AIM2: variants seen among roughly 807,000 people sequenced by gnomAD.
The protein encoded by AIM2 is absent in melanoma 2.
Under a neutral mutation model 27.7 loss-of-function variants are expected in AIM2, and 30 were observed. The ratio of observed to expected loss-of-function variants is 1.08; its 90% CI spans 0.81 to 1.47. The LOEUF is 1.47. Among genes scored for constraint, AIM2 ranks in the 40% most tolerant of loss-of-function variants. AIM2 has a pLI of 0.00. For synonymous variants in AIM2, 141 were observed against 145.3 expected (o/e 0.97, Z 0.21); for missense variants, 358 against 411.3 (o/e 0.87, Z 1.12).
chr1:159,094,412 C>T (rs1170689417), intron 1 of AIM2, among the ~76,000 whole-genome samples: 1 of 152,152 alleles, frequency 6.6e-6, no homozygotes, highest in Admixed American at 6.5e-5. Flanking sequence ...TTTAAGAAAT[C>T]AAGGCCAGGT....
intron 1 of AIM2, among the ~76,000 whole-genome samples, chr1:159,140,258 C>T (rs1648085746): frequency 6.6e-6 from 1 of 152,202 alleles, no homozygotes; most frequent in African/African-American, 2.4e-5. Context: ...CAAGGTAACC[C>T]AGAAATGTAA....
At chr1:159,115,108 T>G (rs1272784901) in intron 1 of AIM2, among the ~76,000 whole-genome samples, 20 of 152,050 alleles carry the variant, frequency 1.3e-4, no homozygotes, top group Non-Finnish European at 2.4e-4. Flanking sequence ...ATAAAATACC[T>G]AGGAATCCAA....
At chr1:159,075,030 T>C (rs1271105695) in intron 1 of AIM2, among the ~76,000 whole-genome samples, 3 of 152,218 alleles carry the variant, frequency 2.0e-5, no homozygotes, top group Non-Finnish European at 4.4e-5. Flanking sequence ...CAGGATGTAC[T>C]ATCCCTACTA....
At chr1:159,095,972 T>A (rs895120488) in intron 1 of AIM2, among the ~76,000 whole-genome samples, 3 of 152,168 alleles carry the variant, frequency 2.0e-5, no homozygotes, top group African/African-American at 7.2e-5. Flanking sequence ...TAAATCTCAA[T>A]AAAATTTGAG....
intron 1 of AIM2, among the ~76,000 whole-genome samples, chr1:159,103,345 G>A (rs1337185847): frequency 6.6e-6 from 1 of 151,070 alleles, no homozygotes; most frequent in African/African-American, 2.4e-5. Flanking sequence ...AGCAGTGTGA[G>A]AACAGGCTAA....
intron 2 of AIM2, among the ~76,000 whole-genome samples, chr1:159,072,527 GA>G (rs1656405597): frequency 1.3e-5 from 2 of 152,172 alleles, no homozygotes; most frequent in African/African-American, 4.8e-5. Context: ...ATAAAGCTGG[GA>G]CATATCAATT....
rs562208926 is a variant in AIM2 at position 159,123,879 on chromosome 1, A to AT, written c.-16+16551dup. On this transcript the variant is annotated intron_variant, in intron 1 of 2. Transcript: ENST00000368129. Reference sequence around the variant, plus strand: ...GTAGTTATAAACAAGATAACAGTAGATTTTTTTCTCAAATACCCATACAAA... The same window carrying AT: ...GTAGTTATAAACAAGATAACAGTAGATTTTTTTTCTCAAATACCCATACAAA... Among the ~76,000 whole-genome samples the AT allele has an allele frequency of 4.8e-3, 729 of 152,296 alleles. 9 individuals carry two copies. Among genetic ancestry groups the AT allele is most frequent in the African/African-American group, 0.017 (701 of 41,556 alleles).
At chr1:159,103,397 A>G (rs1357971033) in intron 1 of AIM2, among the ~76,000 whole-genome samples, 1 of 150,296 alleles carries the variant, frequency 6.7e-6, no homozygotes, top group Non-Finnish European at 1.5e-5. Context: ...TTTTTCCTGC[A>G]TCTACTATGT....
At chr1:159,109,014 C>A (rs1489409107) in intron 1 of AIM2, among the ~76,000 whole-genome samples, 1 of 152,012 alleles carries the variant, frequency 6.6e-6, no homozygotes, top group African/African-American at 2.4e-5. Flanking sequence ...AATACCACCA[C>A]CATTCTTCAC....
chr1:159,086,605 C>T (rs531503363), intron 1 of AIM2, among the ~76,000 whole-genome samples: 2 of 152,336 alleles, frequency 1.3e-5, no homozygotes, highest in East Asian at 3.9e-4. Flanking sequence ...CAAGTCTGAG[C>T]TAAGTGCTCC....
intron 1 of AIM2, among the ~76,000 whole-genome samples, chr1:159,102,180 C>G (rs1275184504): frequency 6.6e-6 from 1 of 152,230 alleles, no homozygotes; most frequent in Non-Finnish European, 1.5e-5. Flanking sequence ...GGCCATTGTA[C>G]AGCTCAATCC....
Position 159,114,406 on chromosome 1 carries a change from C to G in AIM2, c.-16+26025G>C, listed in dbSNP as rs557819871. 4.1e-4 allele frequency among the ~76,000 whole-genome samples: 63 copies of G among 152,260 alleles called. 3 individuals carry two copies. Among genetic ancestry groups the G allele is most frequent in the African/African-American group, 1.3e-3 (55 of 41,546 alleles). On this transcript the variant is annotated intron_variant, in intron 1 of 2. Coordinates refer to the AIM2 transcript ENST00000368129. ...AGTGACCAGTCCTGCTTGGAAAACA[C>G]TAGTGTACTTCCAGTCTTCTAAAGT...
chr1:159,095,793 C>T (rs189254098), intron 1 of AIM2, among the ~76,000 whole-genome samples: 162 of 152,096 alleles, frequency 1.1e-3, no homozygotes, highest in African/African-American at 3.7e-3. Flanking sequence ...TCAAGAGTTC[C>T]CTAAGAAGGT....
At position 159,091,269 on chromosome 1, in the gene AIM2, A is replaced by G. The variant is rs568769595; in HGVS notation, c.-15-24940T>C. ...TAGCCATTCTTGGTCTTATAAGTGT[A>G]GAAGACAGAAAAGCTTGTGTCCAAT... On this transcript the variant is annotated intron_variant, in intron 1 of 2. Transcript: ENST00000368129. 2.1e-4 allele frequency among the ~76,000 whole-genome samples: 32 copies of G among 152,384 alleles called. No individual in the cohort carries two copies. In the South Asian group the frequency reaches 4.8e-3, roughly 23 times the overall value.
chr1:159,143,608 AC>A (rs1648152799), upstream of AIM2, among the ~76,000 whole-genome samples: 1 of 151,024 alleles, frequency 6.6e-6, no homozygotes, highest in Admixed American at 6.6e-5. Flanking sequence ...ACACACACAC[AC>A]ACACACACAC....
chr1:159,086,347 C>T (rs931772597), intron 1 of AIM2, among the ~76,000 whole-genome samples: 3 of 152,224 alleles, frequency 2.0e-5, no homozygotes, highest in African/African-American at 7.2e-5. Flanking sequence ...CTCCTCTTTC[C>T]ACCTCATAAA....
At chr1:159,056,743 A>AAC in the AIM2 span, among the ~76,000 whole-genome samples, 3 of 146,384 alleles carry the variant, frequency 2.0e-5, no homozygotes, top group East Asian at 2.0e-4. Context: ...AAAAAAAAAA[A>AAC]AAAAACTACC....
chr1:159,116,147 C>T (rs1456267224), intron 1 of AIM2, among the ~76,000 whole-genome samples: 4 of 151,418 alleles, frequency 2.6e-5, no homozygotes, highest in African/African-American at 9.7e-5. Flanking sequence ...CATCTCACAC[C>T]TGTTAGAATG....
chr1:159,136,004 T>C (rs1279079706), intron 1 of AIM2, among the ~76,000 whole-genome samples: 1 of 152,112 alleles, frequency 6.6e-6, no homozygotes, highest in Non-Finnish European at 1.5e-5. Context: ...CGCAGAGAAG[T>C]CCTAACACGA....
Sources: allele counts gnomAD v4.1 joint callset (sites outside exome capture counted in the v4.1 genomes callset), GRCh38; gene constraint gnomAD v4.1.1; transcripts MANE v1.5; gene names NCBI Gene and HGNC (gene_info 2026-07-23, HGNC 2026-07-21).